NAA35: variants seen among roughly 807,000 people sequenced by gnomAD.
NAA35 encodes the protein MAK10 homolog, amino-acid N-acetyltransferase subunit.
A neutral mutation model predicts 101.7 loss-of-function variants in NAA35; 18 were observed. That is an observed-to-expected ratio of 0.18 (90% CI 0.12 to 0.26). The LOEUF is 0.26. Among genes scored for constraint, NAA35 ranks in the 10% least tolerant of loss-of-function variants. The pLI is 1.00. For synonymous variants in NAA35, 267 were observed against 273.1 expected, an observed-to-expected ratio of 0.98 and a Z score of 0.22; for missense variants, 601 against 886.8, an observed-to-expected ratio of 0.68 and a Z score of 4.09.
rs1415256391 is a variant in NAA35 at position 86,025,299 on chromosome 9, C to A, written c.*3339C>A. Among the ~76,000 whole-genome samples, 1 of 151,990 alleles carries A rather than the reference C, an allele frequency of 6.6e-6. No homozygotes were observed. Among genetic ancestry groups the A allele is most frequent in the Non-Finnish European group, 1.5e-5 (1 of 68,014 alleles). ...GAACTTGGCAAGTAAAGATTGCTGG[C>A]GACTGGGGCGAGCTCTTTCTTGAAG... On this transcript the variant is annotated 3_prime_UTR_variant, in exon 23 of 23. Coordinates refer to ENST00000361671, the MANE Select transcript of NAA35 (RefSeq NM_024635.4).
chr9:85,942,112 T>C, intron 1 of NAA35, 43 bp from the exon 2 acceptor site: 1 of 1,592,396 alleles, frequency 6.3e-7, no homozygotes, highest in Non-Finnish European at 8.5e-7. Context: ...ACTCTTGCCC[T>C]GAAAGCTACA....
intron 18 of NAA35, among the ~76,000 whole-genome samples, chr9:86,016,921 G>T (rs745795621): frequency 1.3e-5 from 2 of 152,236 alleles, no homozygotes; most frequent in Non-Finnish European, 2.9e-5. Flanking sequence ...CGTGGAGTGT[G>T]CAAGCAAGAT....
intron 19 of NAA35, among the ~76,000 whole-genome samples, 172 bp downstream of exon 19, chr9:86,017,737 C>G (rs926059847): frequency 6.6e-6 from 1 of 152,146 alleles, no homozygotes; most frequent in African/African-American, 2.4e-5. Context: ...ACCATTTGAA[C>G]CCTTGCTTAT....
intron 15 of NAA35, among the ~76,000 whole-genome samples, chr9:86,011,925 AATAT>A (rs1371213676): frequency 1.4e-5 from 2 of 140,480 alleles, no homozygotes; most frequent in Non-Finnish European, 3.0e-5. Context: ...TATATCATAT[AATAT>A]ATACTATAAT....
rs540408810 is a variant in NAA35, at chr9:86,023,482, A to C, written c.*1522A>C. 9.8e-5 allele frequency among the ~76,000 whole-genome samples: 15 copies of C among 152,354 alleles called. No homozygotes were observed. The highest frequency in any genetic ancestry group is 2.1e-4 in the South Asian group (1 of 4,830). On this transcript the variant is annotated 3_prime_UTR_variant, in exon 23 of 23. Transcript: ENST00000361671. The stretch of plus-strand genomic sequence containing the variant: ...GAATGAGCATGGACATTTGGCAAAC[A>C]ACCAAGAAGAGAGCCTGAAGCAAGT...
At position 85,945,807 on chromosome 9, in the gene NAA35, C is replaced by T. The variant is rs931325767; in HGVS notation, c.124+3524C>T. Among the ~76,000 whole-genome samples, 3 of 152,126 alleles carry T rather than the reference C, an allele frequency of 2.0e-5. 1 individual carries two copies. The highest frequency in any genetic ancestry group is 6.5e-5 in the Admixed American group (1 of 15,276). ...GTGCTGGGATTACAGGCATGAGCCA[C>T]TGTGCCCAGCCTGACTCTGGTGATT... On this transcript the variant is annotated intron_variant, in intron 2 of 22. Transcript: ENST00000361671.
At chr9:85,941,603 C>T (rs891088266) in intron 1 of NAA35, 30 of 986,080 alleles carry the variant, frequency 3.0e-5, no homozygotes, top group African/African-American at 3.5e-5. Context: ...GTGCCCGCCT[C>T]AGGTGTGCCT....
At chr9:86,013,931 G>T in intron 17 of NAA35, 34 bp downstream of exon 17, 2 of 1,462,462 alleles carry the variant, frequency 1.4e-6, no homozygotes, top group South Asian at 1.3e-5. Flanking sequence ...ATTGGTGGTG[G>T]GTGCAATGGA....
At chr9:85,949,001 C>A (rs1415772438) in intron 2 of NAA35, among the ~76,000 whole-genome samples, 1 of 152,134 alleles carries the variant, frequency 6.6e-6, no homozygotes, top group African/African-American at 2.4e-5. Flanking sequence ...GGGTGATCCA[C>A]CCGCCTCAGC....
chr9:86,018,452 G>C, intron 20 of NAA35, 57 bp downstream of exon 20: 1 of 1,550,574 alleles, frequency 6.4e-7, no homozygotes. Context: ...TTCTTAGAGA[G>C]ATGCTGTTTG....
At position 85,941,240 on chromosome 9, in the gene NAA35, T is replaced by A. The variant is rs904935167; in HGVS notation, c.-39T>A. 4 of 985,918 alleles carry A rather than the reference T, an allele frequency of 4.1e-6. No individual in the cohort carries two copies. In the African/African-American group the frequency reaches 7.0e-5, roughly 17 times the overall value. The allele number at this position is 985,918 out of a possible 1,614,324, so 61.1% of individuals were successfully genotyped here. ...GTCGTTATTTCCGTGGTCCGGACAG[T>A]GCGTGGCGGCGCGGGTGACCACGGG... is the stretch of plus-strand genomic sequence containing the variant. On this transcript the variant is annotated 5_prime_UTR_variant, in exon 1 of 23. Coordinates refer to ENST00000361671, the MANE Select transcript of NAA35 (RefSeq NM_024635.4).
chr9:85,953,530 A>G (rs1829112707), intron 2 of NAA35, among the ~76,000 whole-genome samples: 1 of 152,070 alleles, frequency 6.6e-6, no homozygotes, highest in Non-Finnish European at 1.5e-5. Flanking sequence ...GGTTTGAGTG[A>G]TTCTTCCACC....
At chr9:85,965,983 G>A (rs1242347847) in intron 6 of NAA35, among the ~76,000 whole-genome samples, 3 of 152,154 alleles carry the variant, frequency 2.0e-5, no homozygotes, top group African/African-American at 7.2e-5. Flanking sequence ...TTGTTACCCA[G>A]GCTGGAGTGC....
In NAA35 at chr9:86,015,150, A is replaced by C. The variant is rs141457518; in HGVS notation, c.1568+1253A>C. 5.4e-3 allele frequency among the ~76,000 whole-genome samples: 823 copies of C among 152,262 alleles called. 9 individuals carry two copies. The highest frequency in any genetic ancestry group is 0.019 in the African/African-American group (797 of 41,544). On this transcript the variant is annotated intron_variant, in intron 17 of 22. Transcript: ENST00000361671. The stretch of plus-strand genomic sequence containing the variant: ...GGGACCTTTGTTCTTGATTTCTCAG[A>C]TCAAAATATTATTTTTATATGCTTT...
chr9:85,941,938 A>G, intron 1 of NAA35: 2 of 1,235,738 alleles, frequency 1.6e-6, no homozygotes, highest in Non-Finnish European at 2.0e-6. Context: ...GGGCCCTGGT[A>G]GGTGGTGGGC....
chr9:86,022,543 A>T lies in NAA35; in HGVS notation c.*583A>T, dbSNP rs951201086. Among the ~76,000 whole-genome samples, 8 of 152,218 alleles carry T rather than the reference A, an allele frequency of 5.3e-5. No individual in the cohort carries two copies. Among genetic ancestry groups the T allele is most frequent in the Non-Finnish European group, 1.2e-4 (8 of 68,030 alleles). On this transcript the variant is annotated 3_prime_UTR_variant, in exon 23 of 23. Coordinates refer to ENST00000361671, the MANE Select transcript of NAA35 (RefSeq NM_024635.4). ...ATGACATCACAAATTATATATCTGTAAGAATACAGATGTGTAAAAAAAATC... is the reference window on the plus strand; with the variant it reads ...ATGACATCACAAATTATATATCTGTTAGAATACAGATGTGTAAAAAAAATC...
rs1307186279 is a variant in NAA35, at chr9:86,016,523, T to C, written c.1569-16T>C. The C allele has an allele frequency of 2.7e-5, 44 of 1,606,948 alleles. No individual in the cohort carries two copies. Among genetic ancestry groups the C allele is most frequent in the Non-Finnish European group, 3.6e-5 (42 of 1,177,128 alleles). On this transcript the variant is annotated splice_polypyrimidine_tract_variant and intron_variant, in intron 17 of 22. Coordinates refer to ENST00000361671, the MANE Select transcript of NAA35 (RefSeq NM_024635.4). ...TTTAGACATCTACCATTAACTAACA[T>C]TTTGTATCCTTTAAGGTATCTCTCT...
At chr9:85,983,597 A>C (rs1345136768) in intron 11 of NAA35, among the ~76,000 whole-genome samples, 1 of 152,208 alleles carries the variant, frequency 6.6e-6, no homozygotes, top group Non-Finnish European at 1.5e-5. Flanking sequence ...TATGTAAAAC[A>C]AAAATAGGAT....
intron 6 of NAA35, among the ~76,000 whole-genome samples, chr9:85,965,402 C>A (rs184474425): frequency 6.6e-6 from 1 of 152,096 alleles, no homozygotes; most frequent in Non-Finnish European, 1.5e-5. Flanking sequence ...ATGAAGTGGG[C>A]GGATGGCTTG....
Sources: allele counts gnomAD v4.1 joint callset (sites outside exome capture counted in the v4.1 genomes callset), GRCh38; gene constraint gnomAD v4.1.1; transcripts MANE v1.5; gene names NCBI Gene and HGNC (gene_info 2026-07-23, HGNC 2026-07-21).